The following KHDRBS2 variants were observed in gnomAD, a reference collection of about 807,000 sequenced individuals.
The protein encoded by KHDRBS2 is KH RNA binding domain containing, signal transduction associated 2.
Under a neutral mutation model 44.3 loss-of-function variants are expected in KHDRBS2, and 26 were observed. That is an observed-to-expected ratio of 0.59 (90% CI 0.43 to 0.81). The LOEUF (loss-of-function observed/expected upper bound fraction) is 0.81. Ranked by LOEUF, KHDRBS2 falls within the 40% of genes least tolerant of loss-of-function variation. The pLI, the probability that KHDRBS2 is intolerant of heterozygous loss-of-function variation, is 0.00. For synonymous variants in KHDRBS2, 194 were observed against 151.1 expected (o/e 1.28, Z -2.08); for missense variants, 476 against 433.1 (o/e 1.10, Z -0.88).
chr6:61,785,335 C>G (rs1380638482), intron 6 of KHDRBS2, among the ~76,000 whole-genome samples: 1 of 152,016 alleles, frequency 6.6e-6, no homozygotes, highest in African/African-American at 2.4e-5. Context: ...TTATTATTCA[C>G]AATGTAGGAA....
intron 4 of KHDRBS2, among the ~76,000 whole-genome samples, chr6:61,968,148 C>A (rs1272056055): frequency 6.6e-6 from 1 of 151,712 alleles, no homozygotes; most frequent in South Asian, 2.1e-4. Flanking sequence ...ATGATATATA[C>A]ACATTACCAT....
chr6:62,243,157 A>AAT (rs557496874), intron 1 of KHDRBS2, among the ~76,000 whole-genome samples: 21 of 152,054 alleles, frequency 1.4e-4, no homozygotes, highest in African/African-American at 4.1e-4. Context: ...AATACAATAT[A>AAT]ATATATATAT....
intron 6 of KHDRBS2, among the ~76,000 whole-genome samples, chr6:61,859,822 AT>A (rs1796663176): frequency 6.6e-6 from 1 of 152,014 alleles, no homozygotes; most frequent in African/African-American, 2.4e-5. Flanking sequence ...AGGCAATAAA[AT>A]TTGACCAAAC....
At chr6:62,129,839 A>G (rs1445510675) in intron 2 of KHDRBS2, among the ~76,000 whole-genome samples, 1 of 152,136 alleles carries the variant, frequency 6.6e-6, no homozygotes, top group African/African-American at 2.4e-5. Context: ...GGAGAATGGT[A>G]TTCTAGAATT....
intron 3 of KHDRBS2, among the ~76,000 whole-genome samples, chr6:62,022,157 C>T (rs1466742129): frequency 6.6e-6 from 1 of 151,178 alleles, no homozygotes; most frequent in Non-Finnish European, 1.5e-5. Context: ...GGTTGGAAAA[C>T]AAATTTTTCC....
intron 6 of KHDRBS2, among the ~76,000 whole-genome samples, chr6:61,853,266 T>G (rs1306690124): frequency 2.0e-5 from 3 of 152,208 alleles, no homozygotes; most frequent in Non-Finnish European, 4.4e-5. Context: ...ATCTACTCAC[T>G]GAGCTGGTTA....
intron 2 of KHDRBS2, among the ~76,000 whole-genome samples, chr6:62,095,081 T>C (rs1266661795): frequency 6.6e-6 from 1 of 151,960 alleles, no homozygotes; most frequent in Non-Finnish European, 1.5e-5. Context: ...GATTGTTTTT[T>C]TCTCTGTTTC....
intron 1 of KHDRBS2, among the ~76,000 whole-genome samples, chr6:62,255,383 A>G (rs941581847): frequency 6.6e-6 from 1 of 152,044 alleles, no homozygotes; most frequent in African/African-American, 2.4e-5. Flanking sequence ...CATTATTCTA[A>G]GCACTAATTA....
intron 1 of KHDRBS2, among the ~76,000 whole-genome samples, chr6:62,233,704 C>A (rs1479580105): frequency 2.6e-5 from 4 of 152,036 alleles, no homozygotes; most frequent in African/African-American, 9.7e-5. Context: ...GTGTTCTCAT[C>A]GTTTAGCACC....
intron 4 of KHDRBS2, among the ~76,000 whole-genome samples, chr6:61,946,932 T>C (rs1286457952): frequency 6.6e-6 from 1 of 152,214 alleles, no homozygotes; most frequent in Non-Finnish European, 1.5e-5. Flanking sequence ...GATTCAGCGG[T>C]CGTCCTTCCT....
chr6:62,018,208 C>T (rs1044704616), intron 3 of KHDRBS2, among the ~76,000 whole-genome samples: 1 of 149,160 alleles, frequency 6.7e-6, no homozygotes, highest in African/African-American at 2.5e-5. Context: ...TAAAAATATA[C>T]AAATATTCTT....
At chr6:61,962,625 AG>A (rs1768992024) in intron 4 of KHDRBS2, among the ~76,000 whole-genome samples, 1 of 152,096 alleles carries the variant, frequency 6.6e-6, no homozygotes, top group Non-Finnish European at 1.5e-5. Flanking sequence ...TTCTTTTTAT[AG>A]TTAGAAGATG....
chr6:61,755,992 T>C lies in KHDRBS2; in HGVS notation c.811-23228A>G, dbSNP rs544606659. On this transcript the variant is annotated intron_variant, in intron 6 of 8. Coordinates refer to ENST00000281156, the MANE Select transcript of KHDRBS2 (RefSeq NM_152688.4). ...ATTAAGCAACATCTTCCAGTTCATG[T>C]ATTGCTTTTAGGGAAAGTAGTGGGT... 7.9e-5 allele frequency among the ~76,000 whole-genome samples: 12 copies of C among 152,206 alleles called. No homozygotes were observed. The South Asian group carries it at 2.5e-3, about 32-fold the overall frequency.
In KHDRBS2 at chr6:61,900,897, G is replaced by GA. The variant is rs1441867924; in HGVS notation, c.611+346dup. Among the ~76,000 whole-genome samples, 6 of 152,188 alleles carry GA rather than the reference G, an allele frequency of 3.9e-5. No individual in the cohort carries two copies. The East Asian group carries it at 1.2e-3, about 29-fold the overall frequency. On this transcript the variant is annotated intron_variant, in intron 5 of 8. Coordinates refer to ENST00000281156, the MANE Select transcript of KHDRBS2 (RefSeq NM_152688.4). ...ATCCTGAGGATAGAACAGTAAAGTA[G>GA]AAAATCTCTGGTTTGCTGCCTTATT...
chr6:61,928,786 GA>G (rs1209381473), intron 4 of KHDRBS2, among the ~76,000 whole-genome samples: 1 of 151,974 alleles, frequency 6.6e-6, no homozygotes, highest in Non-Finnish European at 1.5e-5. Context: ...TATGTTTAAA[GA>G]AAAGATAATT....
intron 6 of KHDRBS2, among the ~76,000 whole-genome samples, chr6:61,821,705 C>G (rs902612056): frequency 6.6e-6 from 1 of 151,834 alleles, no homozygotes; most frequent in African/African-American, 2.4e-5. Flanking sequence ...CACTTATAAG[C>G]CTTGGAAACT....
intron 4 of KHDRBS2, among the ~76,000 whole-genome samples, chr6:61,942,322 T>C (rs1229383349): frequency 6.6e-6 from 1 of 151,792 alleles, no homozygotes; most frequent in Non-Finnish European, 1.5e-5. Context: ...TGAGAATTAA[T>C]ACAAAGAAAT....
At chr6:61,722,998 G>T (rs6903385) in intron 7 of KHDRBS2, among the ~76,000 whole-genome samples, 8,377 of 152,028 alleles carry the variant, frequency 0.055, 366 homozygotes, top group African/African-American at 0.11. Flanking sequence ...CATGAGCTGC[G>T]GCGAGGAAGA....
intron 6 of KHDRBS2, among the ~76,000 whole-genome samples, chr6:61,874,992 G>A (rs139573617): frequency 1.3e-5 from 2 of 151,988 alleles, no homozygotes; most frequent in African/African-American, 2.4e-5. Flanking sequence ...GCATGTCCTC[G>A]GTAAGGCCTA....
Sources: gnomAD v4.1 joint callset for allele counts (sites outside exome capture counted in the v4.1 genomes callset) on GRCh38, gnomAD v4.1.1 for gene constraint, MANE v1.5 for transcripts, NCBI Gene and HGNC (gene_info 2026-07-23, HGNC 2026-07-21) for gene names.